The following MBD5 variants were observed in gnomAD, a reference collection of about 807,000 sequenced individuals.
The protein encoded by MBD5 is methyl-CpG-binding domain protein 5.
MBD5 carries 13 observed loss-of-function variants against 117.3 expected under a neutral mutation model. The observed-to-expected ratio is 0.11, with a 90% CI of 0.07 to 0.18. The LOEUF is 0.18. Among genes scored for constraint, MBD5 ranks in the 10% least tolerant of loss-of-function variants. MBD5 has a pLI of 1.00. For missense variants in MBD5, 1,879 were observed against 2,093.8 expected (o/e 0.90, Z 2.00); for synonymous variants, 727 against 766.4 (o/e 0.95, Z 0.85).
rs1051380655 is a variant in MBD5 at position 148,469,650 on chromosome 2, C to G, written c.1707C>G (p.His569Gln). The G allele has an allele frequency of 6.2e-7, 1 of 1,613,994 alleles. No individual in the cohort carries two copies. The highest frequency in any genetic ancestry group is 8.5e-7 in the Non-Finnish European group (1 of 1,179,898). ...CTTTAAATCAGATCTTGAACCAGCA[C>G]AATGCTGCCTCCTTTCCAGCAAGTA... ...GMPLNQILNQ[H>Q]NAASFPASSL... Residue 569 changes from histidine to glutamine, a missense_variant, in exon 8 of 14, where the codon CAC becomes CAG. Coordinates refer to ENST00000642680, the MANE Select transcript of MBD5 (RefSeq NM_001378120.1).
At chr2:148,227,311 C>A (rs2106113053) in intron 2 of MBD5, among the ~76,000 whole-genome samples, 1 of 152,244 alleles carries the variant, frequency 6.6e-6, no homozygotes, top group African/African-American at 2.4e-5. Flanking sequence ...GGAAGGGATC[C>A]AGTTTCAGCT....
At chr2:148,259,233 G>A (rs1374494872) in intron 3 of MBD5, among the ~76,000 whole-genome samples, 10 of 152,106 alleles carry the variant, frequency 6.6e-5, no homozygotes, top group South Asian at 2.1e-4. Context: ...CCAACTGCCC[G>A]CTCACCTGCA....
chr2:148,365,512 C>T (rs1703669392), intron 4 of MBD5, among the ~76,000 whole-genome samples: 1 of 150,648 alleles, frequency 6.6e-6, no homozygotes, highest in African/African-American at 2.4e-5. Context: ...AGGAGATGAA[C>T]CCTTCAAAAA....
chr2:148,372,725 G>A (rs766637491), intron 4 of MBD5, among the ~76,000 whole-genome samples: 18 of 152,056 alleles, frequency 1.2e-4, no homozygotes, highest in Admixed American at 8.5e-4. Flanking sequence ...GCTTGAGAAA[G>A]GTTAGCAAAG....
intron 1 of MBD5, among the ~76,000 whole-genome samples, chr2:148,112,888 C>T (rs1430492792): frequency 1.3e-5 from 2 of 151,966 alleles, no homozygotes; most frequent in East Asian, 3.9e-4. Flanking sequence ...GGCTCATGCC[C>T]GTAATCCCAG....
chr2:148,160,608 T>C (rs920220497), intron 1 of MBD5, among the ~76,000 whole-genome samples: 4 of 152,064 alleles, frequency 2.6e-5, no homozygotes, highest in Non-Finnish European at 5.9e-5. Flanking sequence ...AACTGTTGAG[T>C]AGGATCATTT....
At chr2:148,100,865 C>G (rs1338140727) in intron 1 of MBD5, among the ~76,000 whole-genome samples, 2 of 152,142 alleles carry the variant, frequency 1.3e-5, no homozygotes, top group Non-Finnish European at 2.9e-5. Flanking sequence ...CTTCCCCTCT[C>G]AATGGGAGGA....
chr2:148,367,490 A>G (rs1464705228), intron 4 of MBD5, among the ~76,000 whole-genome samples: 1 of 152,220 alleles, frequency 6.6e-6, no homozygotes, highest in African/African-American at 2.4e-5. Flanking sequence ...ATCTAATTAA[A>G]CTAAAGAGCT....
intron 1 of MBD5, among the ~76,000 whole-genome samples, chr2:148,093,842 T>C (rs1306976460): frequency 6.6e-6 from 1 of 152,192 alleles, no homozygotes; most frequent in Non-Finnish European, 1.5e-5. Flanking sequence ...TGTTTTGAGA[T>C]GACGAATCTA....
intron 2 of MBD5, among the ~76,000 whole-genome samples, chr2:148,203,502 G>A (rs1485472971): frequency 6.6e-6 from 1 of 152,014 alleles, no homozygotes; most frequent in Non-Finnish European, 1.5e-5. Flanking sequence ...TATTACTACT[G>A]TTCTTCTTCT....
intron 4 of MBD5, among the ~76,000 whole-genome samples, chr2:148,373,033 A>G (rs1186386838): frequency 6.6e-6 from 1 of 152,130 alleles, no homozygotes; most frequent in Non-Finnish European, 1.5e-5. Context: ...TAATAAACAC[A>G]TAGTTTAGCT....
chr2:148,100,015 G>A (rs551771837), intron 1 of MBD5, among the ~76,000 whole-genome samples: 1 of 152,276 alleles, frequency 6.6e-6, no homozygotes, highest in East Asian at 1.9e-4. Flanking sequence ...TTAAACAACT[G>A]GAATATAATG....
intron 1 of MBD5, among the ~76,000 whole-genome samples, chr2:148,065,606 T>G (rs996853230): frequency 6.6e-6 from 1 of 152,352 alleles, no homozygotes; most frequent in East Asian, 1.9e-4. Context: ...TATCATAGTT[T>G]AATGAAAGAT....
chr2:148,513,527 T>C lies in MBD5; in HGVS notation c.*586T>C, dbSNP rs1274734329. ...AGAGAAAAGGCATGATGATGTAATA[T>C]CTGAATTATGACATACACTGCACAC... On this transcript the variant is annotated 3_prime_UTR_variant, in exon 14 of 14. Coordinates refer to ENST00000642680, the MANE Select transcript of MBD5 (RefSeq NM_001378120.1). 6.3e-6 allele frequency: 1 copy of C among 157,554 alleles called. No individual in the cohort carries two copies. The highest frequency in any genetic ancestry group is 2.4e-5 in the African/African-American group (1 of 41,472). The allele number at this position is 157,554 out of a possible 1,614,324, so 9.8% of individuals were successfully genotyped here. A position where few individuals can be genotyped will look rare whatever the true frequency, so the allele number is the denominator to read the frequency against.
chr2:148,086,187 GTT>G (rs895498939), intron 1 of MBD5, among the ~76,000 whole-genome samples: 1 of 121,844 alleles, frequency 8.2e-6, no homozygotes, highest in Non-Finnish European at 1.8e-5. Flanking sequence ...TTTAAAATGT[GTT>G]TGTGTGTGTG....
At position 148,468,586 on chromosome 2, in the gene MBD5, C is replaced by A; in HGVS notation, c.643C>A (p.Arg215Ser). 6.2e-7 allele frequency: 1 copy of A among 1,613,932 alleles called. No homozygotes were observed. The highest frequency in any genetic ancestry group is 8.5e-7 in the Non-Finnish European group (1 of 1,179,884). Residue 215 changes from arginine (R) to serine (S), a missense_variant, in exon 8 of 14, where the codon CGT (arginine) becomes AGT (serine). Coordinates refer to ENST00000642680, the MANE Select transcript of MBD5 (RefSeq NM_001378120.1). ...SSEHGQKSPFRGSHGGLPSPA... is the reference protein window; with the variant it reads ...SSEHGQKSPFSGSHGGLPSPA... Reference sequence around the variant, plus strand: ...TGAACATGGACAGAAATCTCCATTCCGTGGCAGCCATGGAGGCCTGCCCAG... The same window carrying A: ...TGAACATGGACAGAAATCTCCATTCAGTGGCAGCCATGGAGGCCTGCCCAG...
chr2:148,446,631 T>TGTGTGTG (rs61483854), intron 4 of MBD5, among the ~76,000 whole-genome samples: 2 of 151,766 alleles, frequency 1.3e-5, no homozygotes, highest in Admixed American at 1.3e-4. Context: ...TGTGTGTGTG[T>TGTGTGTG]AAAACTGAAA....
intron 2 of MBD5, among the ~76,000 whole-genome samples, chr2:148,227,470 T>C (rs1216987817): frequency 6.6e-6 from 1 of 152,198 alleles, no homozygotes; most frequent in Non-Finnish European, 1.5e-5. Context: ...TCCATTGGTC[T>C]ATATCTCTGT....
At chr2:148,090,488 A>G (rs1695909595) in intron 1 of MBD5, among the ~76,000 whole-genome samples, 2 of 152,108 alleles carry the variant, frequency 1.3e-5, no homozygotes, top group South Asian at 2.1e-4. Context: ...AAATGATAAT[A>G]CACCATGATA....
Sources: gnomAD v4.1 joint callset for allele counts (sites outside exome capture counted in the v4.1 genomes callset) on GRCh38, gnomAD v4.1.1 for gene constraint, MANE v1.5 for transcripts, NCBI Gene and HGNC (gene_info 2026-07-23, HGNC 2026-07-21) for gene names.